Variants in MYT1L observed in about 807,000 individuals in gnomAD.
The protein encoded by MYT1L is myelin transcription factor 1-like protein.
Under a neutral mutation model 126.7 loss-of-function variants are expected in MYT1L, and 12 were observed. The ratio of observed to expected loss-of-function variants is 0.09; its 90% CI spans 0.06 to 0.15. The LOEUF (loss-of-function observed/expected upper bound fraction) is 0.15, where lower values mean the gene tolerates loss of function less well. MYT1L is among the 10% of genes least tolerant of loss of function. The pLI, the probability that MYT1L is intolerant of heterozygous loss-of-function variation, is 1.00. For missense variants in MYT1L, 979 were observed against 1,585.2 expected (o/e 0.62, Z 6.49); for synonymous variants, 541 against 604.2 (o/e 0.90, Z 1.53).
At chr2:2,244,220 C>G (rs2094490567) in intron 2 of MYT1L, among the ~76,000 whole-genome samples, 1 of 152,176 alleles carries the variant, frequency 6.6e-6, no homozygotes, top group South Asian at 2.1e-4. Context: ...GCTCCCAGGT[C>G]TTTGTTGCTC....
At chr2:2,287,251 G>A (rs534052799) in intron 1 of MYT1L, among the ~76,000 whole-genome samples, 15 of 151,508 alleles carry the variant, frequency 9.9e-5, no homozygotes, top group Non-Finnish European at 1.9e-4. Context: ...GCGAAACTCC[G>A]TCTGAAAAAA....
intron 19 of MYT1L, among the ~76,000 whole-genome samples, chr2:1,843,787 C>A (rs1373248250): frequency 6.6e-6 from 1 of 152,228 alleles, no homozygotes; most frequent in South Asian, 2.1e-4. Context: ...CCTGCCCTGT[C>A]CCTGAGTCAC....
In MYT1L at chr2:1,943,070, A is replaced by C; in HGVS notation, c.417T>G (p.Asp139Glu). 6.9e-7 allele frequency: 1 copy of C among 1,450,994 alleles called. No homozygotes were observed. Among genetic ancestry groups the C allele is most frequent in the South Asian group, 1.2e-5 (1 of 81,802 alleles). The allele number at this position is 1,450,994 out of a possible 1,614,324, so 89.9% of individuals were successfully genotyped here. A position where few individuals can be genotyped will look rare whatever the true frequency, so the allele number is the denominator to read the frequency against. ...REEEEEIEEE[D>E]EDDDEDGEDV... Reference sequence around the variant, plus strand: ...CTTCTCCATCCTCGTCATCGTCCTCATCCTCCTCCTCGATCTCCTCCTCCT... The same window carrying C: ...CTTCTCCATCCTCGTCATCGTCCTCCTCCTCCTCCTCGATCTCCTCCTCCT... The change falls in exon 9 of 25, where the codon GAT (aspartate) becomes GAG (glutamate). Residue 139 changes from aspartate to glutamate, a missense_variant. By Grantham distance (45) the Asp-to-Glu change is conservative. Coordinates refer to ENST00000647738, the MANE Select transcript of MYT1L (RefSeq NM_001303052.2). This position sits in a 1 kb window ranked among gnomAD's most constrained non-coding sequence, Gnocchi z 4.4.
intron 5 of MYT1L, among the ~76,000 whole-genome samples, chr2:1,991,481 T>C (rs1391436391): frequency 6.6e-6 from 1 of 152,114 alleles, no homozygotes; most frequent in African/African-American, 2.4e-5. Context: ...TTTGCCACCA[T>C]GTTGTCCAGG....
rs2032334547 is a variant in MYT1L at position 1,792,559 on chromosome 2, G to A, written c.3277-95C>T. The stretch of plus-strand genomic sequence containing the variant: ...CCACAGTCTACTGGGTGCGAAGAAG[G>A]GGCCTCTCGCTGAAGGAGAAAGGCT... On this transcript the variant is annotated intron_variant, in intron 23 of 24. Transcript: ENST00000647738. 14 of 1,342,720 alleles carry A rather than the reference G, an allele frequency of 1.0e-5. No individual in the cohort carries two copies. The South Asian group carries it at 1.9e-4, about 19-fold the overall frequency. 83.2% of individuals were successfully genotyped at this position (1,342,720 alleles called of 1,614,324 possible).
intron 13 of MYT1L, among the ~76,000 whole-genome samples, chr2:1,905,022 T>A (rs2050862524): frequency 6.6e-6 from 1 of 151,980 alleles, no homozygotes; most frequent in Non-Finnish European, 1.5e-5. Context: ...GGTCTCGATC[T>A]CCTGACCTCG....
chr2:1,979,713 G>A lies in MYT1L; in HGVS notation c.55+10C>T, dbSNP rs755807917. ...AGCCGGCCTCAGGATGCAGGGAAGCGCGGACATACCTCGAACCCCTTTGGA... is the reference window on the plus strand; with the variant it reads ...AGCCGGCCTCAGGATGCAGGGAAGCACGGACATACCTCGAACCCCTTTGGA... On this transcript the variant is annotated intron_variant, in intron 6 of 24. Coordinates refer to ENST00000647738, the MANE Select transcript of MYT1L (RefSeq NM_001303052.2). This position sits in a 1 kb window ranked among gnomAD's most constrained non-coding sequence, Gnocchi z 4.0. The A allele has an allele frequency of 2.9e-5, 46 of 1,613,874 alleles. No homozygotes were observed. The highest frequency in any genetic ancestry group is 2.2e-4 in the Admixed American group (13 of 60,002).
chr2:2,247,760 A>C (rs540904263), intron 2 of MYT1L, among the ~76,000 whole-genome samples: 14 of 152,308 alleles, frequency 9.2e-5, no homozygotes, highest in South Asian at 8.3e-4. Context: ...AAATACATAG[A>C]AATTAAACAG....
At chr2:2,049,503 C>A (rs1192839276) in intron 4 of MYT1L, among the ~76,000 whole-genome samples, 1 of 152,108 alleles carries the variant, frequency 6.6e-6, no homozygotes, top group African/African-American at 2.4e-5. Context: ...TAATGTTAGA[C>A]AAATTATTTA....
intron 2 of MYT1L, among the ~76,000 whole-genome samples, chr2:2,223,151 T>C (rs1464762983): frequency 6.6e-6 from 1 of 152,184 alleles, no homozygotes; most frequent in Admixed American, 6.5e-5. Context: ...GCTAGACTGT[T>C]GACCACAGAC....
At chr2:2,280,985 A>C (rs1276166408) in intron 2 of MYT1L, among the ~76,000 whole-genome samples, 1 of 152,170 alleles carries the variant, frequency 6.6e-6, no homozygotes, top group Non-Finnish European at 1.5e-5. Flanking sequence ...TTTATACCAA[A>C]TGTACACAAC....
At chr2:2,270,067 C>T (rs762760561) in intron 2 of MYT1L, among the ~76,000 whole-genome samples, 22 of 152,140 alleles carry the variant, frequency 1.4e-4, no homozygotes, top group Admixed American at 5.2e-4. Context: ...AGGTCAAGAG[C>T]GTGGCGTCTT....
intron 19 of MYT1L, among the ~76,000 whole-genome samples, chr2:1,845,095 C>T (rs372547252): frequency 4.6e-5 from 7 of 152,118 alleles, no homozygotes; most frequent in South Asian, 4.2e-4. Flanking sequence ...TCTCCTGCCT[C>T]GGCCTCCTGA....
chr2:1,796,524 G>T (rs2033543330), intron 23 of MYT1L, among the ~76,000 whole-genome samples: 1 of 152,194 alleles, frequency 6.6e-6, no homozygotes, highest in Admixed American at 6.5e-5. Context: ...GCTGCACAGG[G>T]CTGTTCACTC....
rs146708060 is a variant in MYT1L at position 1,912,947 on chromosome 2, C to G, written c.1619-837G>C. On this transcript the variant is annotated intron_variant, in intron 11 of 24. Transcript: ENST00000647738. This position sits in a 1 kb window ranked among gnomAD's most constrained non-coding sequence, Gnocchi z 4.3. The stretch of plus-strand genomic sequence containing the variant: ...AAGGTTAGCAGGGACGAAGGGACCC[C>G]CACACGGACCCTGTCTGCATCATGC... Among the ~76,000 whole-genome samples the G allele has an allele frequency of 3.5e-4, 54 of 152,234 alleles. 1 individual carries two copies. The East Asian group carries it at 0.01, about 29-fold the overall frequency.
At chr2:2,317,990 G>A (rs1157265649) in intron 1 of MYT1L, among the ~76,000 whole-genome samples, 10 of 152,202 alleles carry the variant, frequency 6.6e-5, no homozygotes, top group Admixed American at 5.2e-4. Context: ...CGATCTTGTA[G>A]GAGGAAGGAC....
At chr2:2,218,486 A>G (rs2093758182) in intron 2 of MYT1L, among the ~76,000 whole-genome samples, 1 of 152,148 alleles carries the variant, frequency 6.6e-6, no homozygotes, top group Non-Finnish European at 1.5e-5. Context: ...ATGCCACACA[A>G]TTCATACCAA....
rs765357382 is a variant in MYT1L, at chr2:1,922,654, G to A, written c.1115C>T (p.Pro372Leu). 44 of 1,613,662 alleles carry A rather than the reference G, an allele frequency of 2.7e-5. No homozygotes were observed. Among genetic ancestry groups the A allele is most frequent in the Admixed American group, 8.3e-5 (5 of 59,968 alleles). The part of the protein sequence containing the change: ...RPEEDFPGRT[P>L]DRNYSDMLNL... The stretch of plus-strand genomic sequence containing the variant: ...CAGCATGTCCGAGTAGTTTCTGTCC[G>A]GCGTCCTTCCGGGGAAGTCCTCTTC... Residue 372 changes from proline to leucine, a missense_variant, in exon 10 of 25, where the codon CCG becomes CTG. Pro to Leu is a moderately conservative substitution (Grantham distance 98). Transcript: ENST00000647738. The surrounding 1 kb of genome is among the most constrained non-coding windows in gnomAD (Gnocchi z 7.4).
At chr2:1,883,284 T>C (rs770603438) in intron 18 of MYT1L, among the ~76,000 whole-genome samples, 9 of 152,238 alleles carry the variant, frequency 5.9e-5, no homozygotes, top group Non-Finnish European at 1.2e-4. Flanking sequence ...AATGAGTTTG[T>C]ATTTGGCTCA....
Sources: allele counts gnomAD v4.1 joint callset (sites outside exome capture counted in the v4.1 genomes callset), GRCh38; gene constraint gnomAD v4.1.1; non-coding constraint Gnocchi (gnomAD v3.1); transcripts MANE v1.5; gene names NCBI Gene and HGNC (gene_info 2026-07-23, HGNC 2026-07-21).